The following GABRA3 variants were observed in gnomAD, a reference collection of about 807,000 sequenced individuals.
The protein encoded by GABRA3 is gamma-aminobutyric acid type A receptor subunit alpha3, also known as gamma-aminobutyric acid receptor subunit alpha-3.
A neutral mutation model predicts 30.1 loss-of-function variants in GABRA3; 10 were observed. That is an observed-to-expected ratio of 0.33 (90% CI 0.20 to 0.56). The LOEUF (loss-of-function observed/expected upper bound fraction) is 0.56. GABRA3 is among the 20% of genes least tolerant of loss of function. The probability of loss-of-function intolerance (pLI) is 0.89; values close to 1 mark genes in which losing one functional copy is unlikely to be tolerated. For missense variants in GABRA3, 233 were observed against 392.0 expected (o/e 0.59, Z 3.42); for synonymous variants, 151 against 146.8 (o/e 1.03, Z -0.21).
intron 2 of GABRA3, among the ~76,000 whole-genome samples, chrX:152,352,422 A>G (rs1273236589): frequency 8.9e-6 from 1 of 111,774 alleles, no homozygotes; most frequent in Non-Finnish European, 1.9e-5. Context: ...AACCTTTACA[A>G]TACATTATCT....
chrX:152,347,744 A>T (rs1041712827), intron 2 of GABRA3, among the ~76,000 whole-genome samples: 4 of 112,122 alleles, frequency 3.6e-5, no homozygotes, highest in Admixed American at 9.6e-5. Flanking sequence ...GACTGTTGAT[A>T]TCTTAGCATC....
intron 3 of GABRA3, among the ~76,000 whole-genome samples, chrX:152,290,447 C>T (rs1477069028): frequency 1.8e-5 from 2 of 111,473 alleles, no homozygotes; most frequent in Non-Finnish European, 3.8e-5. Flanking sequence ...CAAAAATTTT[C>T]TCCCATTCTG....
At chrX:152,414,962 G>A (rs1409771689) in intron 1 of GABRA3, among the ~76,000 whole-genome samples, 1 of 109,811 alleles carries the variant, frequency 9.1e-6, no homozygotes, top group East Asian at 2.9e-4. Flanking sequence ...TGACATTTTG[G>A]AAAATACTAC....
intron 3 of GABRA3, among the ~76,000 whole-genome samples, chrX:152,295,520 C>T (rs1158679758): frequency 1.8e-5 from 2 of 113,196 alleles, no homozygotes; most frequent in Non-Finnish European, 3.7e-5. Flanking sequence ...GGGATATAAT[C>T]TCCTGCTCTG....
intron 9 of GABRA3, among the ~76,000 whole-genome samples, chrX:152,173,449 A>G (rs1603196016): frequency 9.0e-6 from 1 of 110,798 alleles, no homozygotes; most frequent in Non-Finnish European, 1.9e-5. Context: ...ATATATATGT[A>G]TATATATATT....
At chrX:152,407,449 C>T (rs1929963837) in intron 1 of GABRA3, among the ~76,000 whole-genome samples, 1 of 111,607 alleles carries the variant, frequency 9.0e-6, no homozygotes, top group Non-Finnish European at 1.9e-5. Context: ...TTATGTGCAA[C>T]TATATGCCAA....
intron 1 of GABRA3, among the ~76,000 whole-genome samples, chrX:152,434,417 A>C (rs1006331303): frequency 9.0e-6 from 1 of 111,073 alleles, no homozygotes; most frequent in Non-Finnish European, 1.9e-5. Flanking sequence ...GGACCTTGTA[A>C]TCATGGAAGT....
At chrX:152,438,175 A>G (rs1271093938) in intron 1 of GABRA3, among the ~76,000 whole-genome samples, 2 of 112,151 alleles carry the variant, frequency 1.8e-5, no homozygotes, top group Non-Finnish European at 3.8e-5. Flanking sequence ...GCTCAGCAAA[A>G]CAGATAAGAT....
At chrX:152,342,244 C>T (rs1940325806) in intron 3 of GABRA3, among the ~76,000 whole-genome samples, 3 of 112,399 alleles carry the variant, frequency 2.7e-5, no homozygotes, top group Admixed American at 9.4e-5. Context: ...TTTGCATTTC[C>T]CTGATGATTA....
chrX:152,223,689 T>G (rs747155257), intron 6 of GABRA3, among the ~76,000 whole-genome samples: 23 of 109,688 alleles, frequency 2.1e-4, no homozygotes, highest in African/African-American at 7.6e-4. Context: ...CTCTATTTTC[T>G]TAATATTTCT....
Position 152,364,425 on chromosome X carries a change from T to C in GABRA3, c.140+6A>G. Reference sequence around the variant, plus strand: ...TTCTTTCATCCTAAGAGTTAGGGGTTCTTACCCGCCAATGTCCTGCTTCAC... The same window carrying C: ...TTCTTTCATCCTAAGAGTTAGGGGTCCTTACCCGCCAATGTCCTGCTTCAC... On this transcript the variant is annotated splice_donor_region_variant and intron_variant, in intron 2 of 9. Transcript: ENST00000370314. The C allele has an allele frequency of 8.3e-7, 1 of 1,206,330 alleles. No individual in the cohort carries two copies. The highest frequency in any genetic ancestry group is 1.8e-5 in the South Asian group (1 of 55,906).
chrX:152,322,706 G>A (rs1939984660), intron 3 of GABRA3, among the ~76,000 whole-genome samples: 1 of 107,879 alleles, frequency 9.3e-6, no homozygotes, highest in Admixed American at 1.0e-4. Context: ...GATAATTTTT[G>A]TATTTTTAGT....
chrX:152,331,398 C>T (rs757558697), intron 3 of GABRA3, among the ~76,000 whole-genome samples: 29 of 111,026 alleles, frequency 2.6e-4, no homozygotes, highest in African/African-American at 7.2e-4. Flanking sequence ...TTGGAAGTTT[C>T]TTCATGAGTT....
chrX:152,262,221 G>A (rs1217763768), intron 4 of GABRA3, among the ~76,000 whole-genome samples: 2 of 112,560 alleles, frequency 1.8e-5, no homozygotes, highest in African/African-American at 6.4e-5. Flanking sequence ...GGCCTGTGAT[G>A]GAAGGGGCTG....
intron 3 of GABRA3, among the ~76,000 whole-genome samples, chrX:152,307,184 A>C (rs180809816): frequency 6.3e-5 from 7 of 111,858 alleles, no homozygotes; most frequent in Non-Finnish European, 1.3e-4. Flanking sequence ...TGGGGATATC[A>C]ATACCTGACC....
chrX:152,287,641 A>G (rs1208491709), intron 3 of GABRA3, among the ~76,000 whole-genome samples: 1 of 111,594 alleles, frequency 9.0e-6, no homozygotes, highest in Admixed American at 9.6e-5. Flanking sequence ...GAACGGATGA[A>G]TACAATGGTT....
chrX:152,343,764 A>G (rs1045403173), intron 3 of GABRA3, among the ~76,000 whole-genome samples: 1 of 112,283 alleles, frequency 8.9e-6, no homozygotes, highest in African/African-American at 3.2e-5. Context: ...AAAACTGCAA[A>G]TATATATTTA....
chrX:152,200,267 G>C (rs959863247), intron 7 of GABRA3, among the ~76,000 whole-genome samples: 1 of 111,325 alleles, frequency 9.0e-6, no homozygotes, highest in Non-Finnish European at 1.9e-5. Flanking sequence ...GTTTTGGCAG[G>C]ATTCCCAAGT....
chrX:152,357,345 T>C (rs952507063), intron 2 of GABRA3, among the ~76,000 whole-genome samples: 1 of 111,830 alleles, frequency 8.9e-6, no homozygotes, highest in African/African-American at 3.2e-5. Flanking sequence ...GGTATCTCAT[T>C]GTGGTTTTGA....
Sources: gnomAD v4.1 joint callset for allele counts (sites outside exome capture counted in the v4.1 genomes callset) on GRCh38, gnomAD v4.1.1 for gene constraint, MANE v1.5 for transcripts, NCBI Gene and HGNC (gene_info 2026-07-23, HGNC 2026-07-21) for gene names.